NAAA: variants seen among roughly 807,000 people sequenced by gnomAD.
The protein encoded by NAAA is N-acylethanolamine acid amidase, also known as N-acylethanolamine-hydrolyzing acid amidase.
A neutral mutation model predicts 44.8 loss-of-function variants in NAAA; 39 were observed. That is an observed-to-expected ratio of 0.87 (90% CI 0.67 to 1.14). The LOEUF (loss-of-function observed/expected upper bound fraction) is 1.14, where lower values mean the gene tolerates loss of function less well. Among genes scored for constraint, NAAA ranks in the 50% most tolerant of loss-of-function variants. NAAA has a pLI of 0.00. For missense variants in NAAA, 460 were observed against 467.8 expected, an observed-to-expected ratio of 0.98 and a Z score of 0.15; for synonymous variants, 178 against 191.3, an observed-to-expected ratio of 0.93 and a Z score of 0.58.
At position 75,921,079 on chromosome 4, in the gene NAAA, C is replaced by A. The variant is rs1291871322; in HGVS notation, c.711G>T (p.Leu237Phe). 3 of 1,590,504 alleles carry A rather than the reference C, an allele frequency of 1.9e-6. No individual in the cohort carries two copies. The African/African-American group carries it at 4.1e-5, about 22-fold the overall frequency. The change falls in exon 6 of 11, where the codon TTG becomes TTT. Residue 237 changes from leucine (L) to phenylalanine (F), a missense_variant. By Grantham distance (22) the Leu-to-Phe change is conservative. Transcript: ENST00000286733. ...CATCAGCAATAAGGGGAGTCTTGGC[C>A]AACTTGCCAACAGCTGCTTCGAAGT... ...SENFEAAVGK[L>F]AKTPLIADVY...
intron 2 of NAAA, 74 bp downstream of exon 2, chr4:75,939,927 T>A: frequency 1.3e-6 from 2 of 1,547,464 alleles, no homozygotes; most frequent in Non-Finnish European, 1.8e-6. Context: ...ACGGAAAATA[T>A]GTCTCCTCCC....
intron 4 of NAAA, among the ~76,000 whole-genome samples, chr4:75,929,044 G>A (rs1392083941): frequency 1.3e-5 from 2 of 151,468 alleles, no homozygotes; most frequent in African/African-American, 4.9e-5. Context: ...CACCCGCCTC[G>A]GCCTCCCAAA....
At chr4:75,925,940 C>A (rs1726643811) in intron 4 of NAAA, 129 bp from the exon 5 acceptor site, 13 of 824,168 alleles carry the variant, frequency 1.6e-5, no homozygotes, top group Non-Finnish European at 2.6e-5. Context: ...TCTTTTGTAC[C>A]AGGATACAAT....
At position 75,922,059 on chromosome 4, in the gene NAAA, T is replaced by C. The variant is rs575988203; in HGVS notation, c.667-936A>G. Among the ~76,000 whole-genome samples the C allele has an allele frequency of 8.5e-5, 13 of 152,272 alleles. No individual in the cohort carries two copies. The East Asian group carries it at 1.7e-3, about 20-fold the overall frequency. On this transcript the variant is annotated intron_variant, in intron 5 of 10. Transcript: ENST00000286733. ...CATGTTTTAAAGGAAGTACACTGTA[T>C]GCTCACCCATCCTGGATATTGCCAG...
At chr4:75,930,379 C>T in intron 4 of NAAA, 1 of 472,368 alleles carries the variant, frequency 2.1e-6, no homozygotes, top group Non-Finnish European at 4.2e-6. Context: ...AGAACTTCCT[C>T]TCCCACTACT....
chr4:75,917,603 T>C (rs938838479), intron 9 of NAAA: 1 of 184,240 alleles, frequency 5.4e-6, no homozygotes, highest in African/African-American at 2.4e-5. Flanking sequence ...GTAGCTGTGA[T>C]AACAGGCGTG....
At chr4:75,939,790 T>C in intron 2 of NAAA, 1 of 573,806 alleles carries the variant, frequency 1.7e-6, no homozygotes, top group South Asian at 2.1e-5. Flanking sequence ...AGGGAAAGTT[T>C]AGTGTTGAAT....
chr4:75,940,678 G>A lies in NAAA; in HGVS notation c.206+66C>T, dbSNP rs1728188974. 14 of 1,501,026 alleles carry A rather than the reference G, an allele frequency of 9.3e-6. No homozygotes were observed. In the South Asian group the frequency reaches 1.5e-4, roughly 16 times the overall value. The allele number at this position is 1,501,026 out of a possible 1,614,324, so 93.0% of individuals were successfully genotyped here. On this transcript the variant is annotated intron_variant, in intron 1 of 10. Coordinates refer to ENST00000286733, the MANE Select transcript of NAAA (RefSeq NM_014435.4). ...GTCCCCGTTTAAAGCACTCTGAGCA[G>A]CGCGCGTTTGACTCCGACCCGCAGG...
intron 8 of NAAA, 55 bp downstream of exon 8, chr4:75,919,854 C>T (rs780957777): frequency 1.4e-6 from 2 of 1,481,328 alleles, no homozygotes; most frequent in Non-Finnish European, 1.9e-6. Context: ...TTCATATTCA[C>T]TATTAACAAA....
rs183540556 is a variant in NAAA at position 75,919,992 on chromosome 4, C to T, written c.903-17G>A. 9 of 1,610,992 alleles carry T rather than the reference C, an allele frequency of 5.6e-6. No homozygotes were observed. The highest frequency in any genetic ancestry group is 7.6e-6 in the Non-Finnish European group (9 of 1,177,332). ...GCAGATGTTCTGTAAGGACAAAGGT[C>T]GAAGGTCACTTGGCATTTCAACAAG... On this transcript the variant is annotated splice_polypyrimidine_tract_variant and intron_variant, in intron 7 of 10. Transcript: ENST00000286733.
chr4:75,925,689 A>G (rs767068377), intron 5 of NAAA, 46 bp downstream of exon 5: 4 of 1,554,294 alleles, frequency 2.6e-6, no homozygotes, highest in Admixed American at 1.7e-5. Context: ...AACAGTTTAG[A>G]AGGTGGAGGT....
intron 9 of NAAA, among the ~76,000 whole-genome samples, chr4:75,918,409 T>G (rs1287221435): frequency 6.6e-6 from 1 of 151,852 alleles, no homozygotes. Context: ...GAGCCGAGAT[T>G]GCGCCACTGC....
At chr4:75,915,447 C>T (rs1362447966) in intron 9 of NAAA, among the ~76,000 whole-genome samples, 4 of 152,152 alleles carry the variant, frequency 2.6e-5, no homozygotes, top group Non-Finnish European at 5.9e-5. Flanking sequence ...TCTGTCCTAC[C>T]CACAAGGGCC....
intron 3 of NAAA, among the ~76,000 whole-genome samples, chr4:75,933,527 G>A (rs906559610): frequency 7.2e-5 from 11 of 152,024 alleles, no homozygotes; most frequent in Non-Finnish European, 1.6e-4. Context: ...GATCGTCAGG[G>A]TCACTCTTGG....
In NAAA at chr4:75,918,754, CACTT is replaced by C; in HGVS notation, c.998+3_998+6del. On this transcript the variant is annotated splice_donor_5th_base_variant and intron_variant, in intron 9 of 10. Transcript: ENST00000286733. ...GTGTGAACAGACATGTTTAACAAGC[CACTT>C]ACTTGTTATAAACTGGAACCACCGA... 6.2e-7 allele frequency: 1 copy of C among 1,612,700 alleles called. No individual in the cohort carries two copies. The highest frequency in any genetic ancestry group is 8.5e-7 in the Non-Finnish European group (1 of 1,178,932).
Position 75,936,153 on chromosome 4 carries a change from A to C in NAAA, c.454T>G (p.Leu152Val), listed in dbSNP as rs1445776563. 1 of 1,614,098 alleles carries C rather than the reference A, an allele frequency of 6.2e-7. No homozygotes were observed. The highest frequency in any genetic ancestry group is 8.5e-7 in the Non-Finnish European group (1 of 1,179,968). ...RNLDYPFGNV[L>V]RKLTVDVQFL... Reference sequence around the variant, plus strand: ...TGCACATCCACTGTCAGCTTGCGTAAGACATTCCCAAAAGGATAATCCAAA... The same window carrying C: ...TGCACATCCACTGTCAGCTTGCGTACGACATTCCCAAAAGGATAATCCAAA... Residue 152 changes from leucine (L) to valine (V), a missense_variant, in exon 3 of 11, where the codon TTA becomes GTA. Physicochemically the swap from Leu to Val is conservative, Grantham distance 32 (BLOSUM62 1). Transcript: ENST00000286733.
chr4:75,934,934 T>C (rs768876495), intron 3 of NAAA: 1 of 144,232 alleles, frequency 6.9e-6, no homozygotes, highest in Non-Finnish European at 1.6e-5. Flanking sequence ...CATTTATTCC[T>C]TTGTCTCTTT....
chr4:75,911,506 G>A (rs1725322001), downstream of NAAA, among the ~76,000 whole-genome samples: 1 of 152,154 alleles, frequency 6.6e-6, no homozygotes, highest in South Asian at 2.1e-4. Flanking sequence ...TGGTGAGCTG[G>A]GGGCTAAGGA....
intron 3 of NAAA, among the ~76,000 whole-genome samples, chr4:75,931,584 T>C (rs1727236289): frequency 6.6e-6 from 1 of 152,220 alleles, no homozygotes; most frequent in African/African-American, 2.4e-5. Flanking sequence ...TAACTCCTTC[T>C]ATAATGAATG....
Sources: gnomAD v4.1 joint callset for allele counts (sites outside exome capture counted in the v4.1 genomes callset) on GRCh38, gnomAD v4.1.1 for gene constraint, MANE v1.5 for transcripts, NCBI Gene and HGNC (gene_info 2026-07-23, HGNC 2026-07-21) for gene names.